Variants in ARHGEF10L observed in about 807,000 individuals in gnomAD.
ARHGEF10L encodes the protein Rho guanine nucleotide exchange factor 10 like.
A neutral mutation model predicts 141.2 loss-of-function variants in ARHGEF10L; 69 were observed. The observed-to-expected ratio is 0.49, with a 90% CI of 0.40 to 0.60. The LOEUF (loss-of-function observed/expected upper bound fraction) is 0.60, where lower values mean the gene tolerates loss of function less well. ARHGEF10L is among the 20% of genes least tolerant of loss of function. ARHGEF10L has a pLI of 0.00. For missense variants in ARHGEF10L, 1,482 were observed against 1,734.3 expected (o/e 0.85, Z 2.58); for synonymous variants, 711 against 718.5 (o/e 0.99, Z 0.17).
At chr1:17,529,106 C>T in the ARHGEF10L span, among the ~76,000 whole-genome samples, 14 of 152,034 alleles carry the variant, frequency 9.2e-5, no homozygotes, top group Non-Finnish European at 1.9e-4. Flanking sequence ...TGGGTTCAAG[C>T]GATCTCCTGC....
At chr1:17,696,429 G>A (rs1029628378) in intron 28 of ARHGEF10L, among the ~76,000 whole-genome samples, 2 of 152,086 alleles carry the variant, frequency 1.3e-5, no homozygotes, top group African/African-American at 4.8e-5. Context: ...GCTGGGATGA[G>A]GGTGCTCCGG....
At position 17,603,688 on chromosome 1, in the gene ARHGEF10L, C is replaced by G. The variant is rs148969144; in HGVS notation, c.433+97C>G. The stretch of plus-strand genomic sequence containing the variant: ...CTCTTTCCGTTTCCTTCTGTCCCCA[C>G]CTGGCCAAGTGCCCCTCCTTCTTGT... On this transcript the variant is annotated intron_variant, in intron 6 of 28. Coordinates refer to ENST00000361221, the MANE Select transcript of ARHGEF10L (RefSeq NM_018125.4). The surrounding 1 kb of genome is among the most constrained non-coding windows in gnomAD (Gnocchi z 4.8). 1.5e-5 allele frequency: 17 copies of G among 1,119,658 alleles called. No individual in the cohort carries two copies. The African/African-American group carries it at 2.7e-4, about 18-fold the overall frequency. The allele number at this position is 1,119,658 out of a possible 1,614,324, so 69.4% of individuals were successfully genotyped here.
At chr1:17,601,891 A>T (rs2080716888) in intron 4 of ARHGEF10L, among the ~76,000 whole-genome samples, 1 of 152,156 alleles carries the variant, frequency 6.6e-6, no homozygotes, top group Admixed American at 6.5e-5. Flanking sequence ...GGTGCTTATC[A>T]CTGTGAACAA....
At chr1:17,605,708 A>G (rs2081109250) in intron 6 of ARHGEF10L, among the ~76,000 whole-genome samples, 1 of 151,992 alleles carries the variant, frequency 6.6e-6, no homozygotes, top group African/African-American at 2.4e-5. Flanking sequence ...TGGCACACCG[A>G]GGATGGAGGT....
At chr1:17,525,309 A>G in the ARHGEF10L span, among the ~76,000 whole-genome samples, 2 of 152,284 alleles carry the variant, frequency 1.3e-5, no homozygotes, top group African/African-American at 4.8e-5. Flanking sequence ...CATCCGTTCT[A>G]TCTGATAAAA....
rs375349499 is a variant in ARHGEF10L at position 17,573,372 on chromosome 1, C to T, written c.-43-7181C>T. 5.1e-4 allele frequency among the ~76,000 whole-genome samples: 78 copies of T among 152,286 alleles called. No individual in the cohort carries two copies. Among genetic ancestry groups the T allele is most frequent in the African/African-American group, 1.9e-3 (77 of 41,572 alleles). ...AGTATGTGTCATGCCAGCTGCTGTC[C>T]CCTCTCTGGCTTCCAGGTGGGAGCC... On this transcript the variant is annotated intron_variant, in intron 1 of 28. Transcript: ENST00000361221. This position sits in a 1 kb window ranked among gnomAD's most constrained non-coding sequence, Gnocchi z 4.8.
At chr1:17,593,261 G>A (rs910194220) in intron 4 of ARHGEF10L, among the ~76,000 whole-genome samples, 9 of 152,188 alleles carry the variant, frequency 5.9e-5, no homozygotes, top group Non-Finnish European at 1.0e-4. Context: ...CAGCCTACAC[G>A]TGCACGGACT....
At chr1:17,653,132 C>T (rs1321741903) in intron 22 of ARHGEF10L, among the ~76,000 whole-genome samples, 1 of 152,194 alleles carries the variant, frequency 6.6e-6, no homozygotes, top group Non-Finnish European at 1.5e-5. Flanking sequence ...TTTCCCTCTC[C>T]AGTCCCCACG....
intron 1 of ARHGEF10L, among the ~76,000 whole-genome samples, chr1:17,561,686 C>T (rs1277104118): frequency 3.9e-5 from 6 of 152,246 alleles, no homozygotes; most frequent in Non-Finnish European, 8.8e-5. Flanking sequence ...CTGGCCTGCC[C>T]TGGAGCCAGC....
At chr1:17,686,206 G>C (rs973429592) in intron 26 of ARHGEF10L, among the ~76,000 whole-genome samples, 1 of 151,968 alleles carries the variant, frequency 6.6e-6, no homozygotes, top group African/African-American at 2.4e-5. Context: ...TACAGAGCTG[G>C]ATACACAGAG....
chr1:17,525,206 G>A, the ARHGEF10L span, among the ~76,000 whole-genome samples: 1 of 152,242 alleles, frequency 6.6e-6, no homozygotes, highest in South Asian at 2.1e-4. Flanking sequence ...GGGAGCCAGC[G>A]GGGTTAAGTA....
At position 17,656,097 on chromosome 1, in the gene ARHGEF10L, T is replaced by C. The variant is rs1196800292; in HGVS notation, c.2700T>C (p.Asp900=). ...CAACCATCTGCCTCGGGCTCCAGGATGGCAGGTGAGGGGCCCGGAAGGAGG... is the reference window on the plus strand; with the variant it reads ...CAACCATCTGCCTCGGGCTCCAGGACGGCAGGTGAGGGGCCCGGAAGGAGG... The part of the protein sequence containing the change: ...VHPTICLGLQ[D]GSILLYSSVD... The change falls in exon 24 of 29, where the codon GAT becomes GAC. Residue 900 remains aspartate, a synonymous_variant. Transcript: ENST00000361221. This position sits in a 1 kb window ranked among gnomAD's most constrained non-coding sequence, Gnocchi z 4.9. 1 of 1,551,526 alleles carries C rather than the reference T, an allele frequency of 6.4e-7. No homozygotes were observed. Among genetic ancestry groups the C allele is most frequent in the South Asian group, 1.2e-5 (1 of 84,104 alleles).
chr1:17,541,430 A>G (rs1468428380), intron 1 of ARHGEF10L, among the ~76,000 whole-genome samples: 2 of 152,208 alleles, frequency 1.3e-5, no homozygotes, highest in African/African-American at 4.8e-5. Flanking sequence ...GAATAAATGA[A>G]TGTCCAATAA....
the ARHGEF10L span, among the ~76,000 whole-genome samples, chr1:17,529,707 A>G: frequency 1.3e-5 from 2 of 151,274 alleles, no homozygotes; most frequent in African/African-American, 4.9e-5. Context: ...GTGGCACTGG[A>G]GGATGACAGG....
chr1:17,683,369 G>C lies in ARHGEF10L; in HGVS notation c.3010-4204G>C, dbSNP rs376582473. ...TGCTCACTGCCCCCTGCTCTCACCG[G>C]GGTGCTCACTGCCCCCTGCTCTCAC... On this transcript the variant is annotated intron_variant, in intron 26 of 28. Transcript: ENST00000361221. Among the ~76,000 whole-genome samples the C allele has an allele frequency of 8.3e-4, 79 of 94,970 alleles. 3 individuals are homozygous for C. The highest frequency in any genetic ancestry group is 1.4e-3 in the Non-Finnish European group (60 of 43,124). The allele number at this position is 94,970 out of a possible 152,430, so 62.3% of individuals were successfully genotyped here.
intron 1 of ARHGEF10L, among the ~76,000 whole-genome samples, chr1:17,553,247 A>G (rs1482627022): frequency 6.6e-6 from 1 of 152,204 alleles, no homozygotes; most frequent in Admixed American, 6.5e-5. Flanking sequence ...AGCTTGGGCA[A>G]CATTTCACTT....
At chr1:17,638,365 G>T (rs549145522) in intron 19 of ARHGEF10L, among the ~76,000 whole-genome samples, 197 bp from the exon 20 acceptor site, 51 of 152,320 alleles carry the variant, frequency 3.3e-4, no homozygotes, top group African/African-American at 1.1e-3. Context: ...CTCCAGGTGG[G>T]ATCTGAGCCC....
At chr1:17,529,128 A>C in the ARHGEF10L span, among the ~76,000 whole-genome samples, 1 of 151,956 alleles carries the variant, frequency 6.6e-6, no homozygotes, top group East Asian at 1.9e-4. Flanking sequence ...TCAGCCTCCC[A>C]AGTAGCTAGG....
intron 21 of ARHGEF10L, among the ~76,000 whole-genome samples, chr1:17,643,492 G>A (rs2061431004): frequency 6.6e-6 from 1 of 152,178 alleles, no homozygotes; most frequent in Admixed American, 6.5e-5. Context: ...TTGTGAGTTG[G>A]AATAGATCTC....
Sources: gnomAD v4.1 joint callset for allele counts (sites outside exome capture counted in the v4.1 genomes callset) on GRCh38, gnomAD v4.1.1 for gene constraint, Gnocchi (gnomAD v3.1) non-coding constraint, MANE v1.5 for transcripts, NCBI Gene and HGNC (gene_info 2026-07-23, HGNC 2026-07-21) for gene names.